The following FHIT variants were observed in gnomAD, a reference collection of about 807,000 sequenced individuals.
FHIT encodes bis(5'-adenosyl)-triphosphatase.
FHIT carries 19 observed loss-of-function variants against 17.9 expected under a neutral mutation model. The ratio of observed to expected loss-of-function variants is 1.06; its 90% confidence interval spans 0.74 to 1.56. The LOEUF (loss-of-function observed/expected upper bound fraction) is 1.56, where lower values mean the gene tolerates loss of function less well. Among genes scored for constraint, FHIT ranks in the 40% most tolerant of loss-of-function variants. The pLI is 0.00. For missense variants in FHIT, 248 were observed against 189.2 expected, an observed-to-expected ratio of 1.31 and a Z score of -1.82; for synonymous variants, 81 against 69.7, an observed-to-expected ratio of 1.16 and a Z score of -0.81.
intron 2 of FHIT, among the ~76,000 whole-genome samples, chr3:61,064,456 T>C (rs529781063): frequency 1.3e-5 from 2 of 152,272 alleles, no homozygotes; most frequent in East Asian, 3.9e-4. Flanking sequence ...TGAGACTACT[T>C]AATTTGAGGT....
intron 5 of FHIT, among the ~76,000 whole-genome samples, chr3:60,038,312 C>T (rs930358313): frequency 2.6e-5 from 4 of 152,106 alleles, no homozygotes; most frequent in East Asian, 1.9e-4. Flanking sequence ...TGACTATTTA[C>T]GAATGTTAAC....
intron 5 of FHIT, among the ~76,000 whole-genome samples, chr3:60,079,199 A>C (rs527650140): frequency 6.6e-6 from 1 of 152,164 alleles, no homozygotes; most frequent in Admixed American, 6.6e-5. Flanking sequence ...AGAGGGCGTT[A>C]CTGTCTGAAA....
intron 5 of FHIT, among the ~76,000 whole-genome samples, chr3:60,531,365 G>A (rs1486414547): frequency 3.6e-5 from 5 of 138,884 alleles, no homozygotes; most frequent in African/African-American, 1.1e-4. Flanking sequence ...TGCAAGCTCC[G>A]CCTCCCGGGT....
intron 8 of FHIT, among the ~76,000 whole-genome samples, chr3:59,830,565 C>G (rs903007051): frequency 6.6e-6 from 1 of 152,206 alleles, no homozygotes; most frequent in Non-Finnish European, 1.5e-5. Context: ...TTGCAGTGTG[C>G]AGTTTTCCCC....
chr3:60,097,489 T>C (rs1399790564), intron 5 of FHIT, among the ~76,000 whole-genome samples: 1 of 152,106 alleles, frequency 6.6e-6, no homozygotes, highest in African/African-American at 2.4e-5. Flanking sequence ...TTGAACTGTG[T>C]GAGCCCACTT....
At chr3:60,673,636 A>C (rs980027016) in intron 4 of FHIT, among the ~76,000 whole-genome samples, 1 of 152,186 alleles carries the variant, frequency 6.6e-6, no homozygotes, top group Non-Finnish European at 1.5e-5. Flanking sequence ...AAATGTTTAC[A>C]TATGTAACAA....
chr3:60,843,659 G>T (rs545340558), intron 3 of FHIT, among the ~76,000 whole-genome samples: 13 of 139,262 alleles, frequency 9.3e-5, no homozygotes, highest in African/African-American at 3.2e-4. Flanking sequence ...ATCACAGGCT[G>T]CTTCTCCAAA....
At chr3:60,684,673 T>C (rs1433642909) in intron 4 of FHIT, among the ~76,000 whole-genome samples, 1 of 152,018 alleles carries the variant, frequency 6.6e-6, no homozygotes, top group Admixed American at 6.6e-5. Flanking sequence ...CCATTGCGCA[T>C]CCGTGACTTC....
intron 5 of FHIT, among the ~76,000 whole-genome samples, chr3:60,392,662 A>G (rs988005272): frequency 6.6e-6 from 1 of 152,162 alleles, no homozygotes; most frequent in Non-Finnish European, 1.5e-5. Context: ...AATTTTAACC[A>G]AGTGAGATTA....
chr3:60,059,679 G>A (rs1176745026), intron 5 of FHIT, among the ~76,000 whole-genome samples: 2 of 151,966 alleles, frequency 1.3e-5, no homozygotes, highest in Non-Finnish European at 2.9e-5. Flanking sequence ...GGCCCATATC[G>A]ATTAGCCGCC....
intron 4 of FHIT, among the ~76,000 whole-genome samples, chr3:60,592,251 CTA>C (rs1297661197): frequency 1.3e-4 from 19 of 142,914 alleles, no homozygotes; most frequent in Non-Finnish European, 2.8e-4. Context: ...CATATATATA[CTA>C]TATATACTCT....
intron 5 of FHIT, among the ~76,000 whole-genome samples, chr3:60,511,303 T>C (rs567121030): frequency 1.4e-4 from 21 of 152,302 alleles, no homozygotes; most frequent in African/African-American, 4.8e-4. Context: ...TTATGCCAAT[T>C]CCATCAGTAC....
chr3:61,138,416 TGCAGCCATGCTTGTGG>T (rs1352350767), intron 2 of FHIT, among the ~76,000 whole-genome samples: 5 of 152,204 alleles, frequency 3.3e-5, no homozygotes, highest in African/African-American at 1.2e-4. Context: ...TAACTAACCA[TGCAGCCATGCTTGTGG>T]GCCTGCCTAG....
intron 5 of FHIT, among the ~76,000 whole-genome samples, chr3:60,515,395 G>A (rs758929117): frequency 4.6e-5 from 7 of 152,076 alleles, no homozygotes; most frequent in African/African-American, 9.7e-5. Flanking sequence ...GAGGGAATTC[G>A]TCCAGGAAGG....
intron 4 of FHIT, among the ~76,000 whole-genome samples, chr3:60,819,712 C>T (rs909917197): frequency 2.6e-5 from 4 of 152,066 alleles, no homozygotes; most frequent in African/African-American, 9.7e-5. Context: ...GAGCAGTTCC[C>T]ATAACTAGCT....
At chr3:60,314,067 A>G (rs1709062580) in intron 5 of FHIT, among the ~76,000 whole-genome samples, 1 of 151,934 alleles carries the variant, frequency 6.6e-6, no homozygotes, top group Admixed American at 6.6e-5. Context: ...GAAGCCGAAT[A>G]GTTTAAAAGG....
intron 2 of FHIT, among the ~76,000 whole-genome samples, chr3:61,118,696 CCTTAT>C (rs2036371223): frequency 6.6e-6 from 1 of 152,030 alleles, no homozygotes; most frequent in African/African-American, 2.4e-5. Flanking sequence ...GTGTCAGTTC[CCTTAT>C]TTGTGAAATA....
intron 5 of FHIT, among the ~76,000 whole-genome samples, chr3:60,145,337 T>C (rs1427918539): frequency 6.6e-6 from 1 of 152,194 alleles, no homozygotes; most frequent in Admixed American, 6.5e-5. Flanking sequence ...ATGTACAAGC[T>C]TCACCACTTG....
At chr3:61,134,486 C>T (rs1342855453) in intron 2 of FHIT, among the ~76,000 whole-genome samples, 2 of 151,864 alleles carry the variant, frequency 1.3e-5, no homozygotes, top group African/African-American at 4.8e-5. Context: ...GGATCAAGAT[C>T]AAAGAAAAAG....
Sources: allele counts gnomAD v4.1 joint callset (sites outside exome capture counted in the v4.1 genomes callset), GRCh38; gene constraint gnomAD v4.1.1; transcripts MANE v1.5; gene names NCBI Gene and HGNC (gene_info 2026-07-23, HGNC 2026-07-21).